GPR39: variants seen among roughly 807,000 people sequenced by gnomAD.
GPR39 encodes zinc sensing receptor.
In GPR39, 23 loss-of-function variants were observed where a neutral mutation model predicts 18.4. The observed-to-expected ratio is 1.25, with a 90% CI of 0.90 to 1.77. The LOEUF (loss-of-function observed/expected upper bound fraction) is 1.77. Among genes scored for constraint, GPR39 ranks in the 40% most tolerant of loss-of-function variants. The pLI is 0.00. For synonymous variants in GPR39, 280 were observed against 257.9 expected (o/e 1.09, Z -0.82); for missense variants, 647 against 602.4 (o/e 1.07, Z -0.78).
intron 1 of GPR39, among the ~76,000 whole-genome samples, chr2:132,493,419 C>T (rs1681556520): frequency 2.1e-5 from 3 of 145,972 alleles, no homozygotes; most frequent in Admixed American, 1.4e-4. Context: ...ACTATATATA[C>T]ACACGCCATA....
chr2:132,620,630 C>T (rs1441893975), intron 1 of GPR39, among the ~76,000 whole-genome samples: 9 of 152,208 alleles, frequency 5.9e-5, no homozygotes, highest in Non-Finnish European at 7.3e-5. Context: ...TCCCTGCCTC[C>T]CTCCCAGTGT....
At chr2:132,495,705 C>T (rs561664586) in intron 1 of GPR39, among the ~76,000 whole-genome samples, 27 of 152,232 alleles carry the variant, frequency 1.8e-4, no homozygotes, top group African/African-American at 6.0e-4. Flanking sequence ...GAGTGTTCCT[C>T]TGGAGAAGCA....
chr2:132,507,370 A>G (rs1679153737), intron 1 of GPR39, among the ~76,000 whole-genome samples: 2 of 152,214 alleles, frequency 1.3e-5, no homozygotes, highest in African/African-American at 2.4e-5. Context: ...CTGTCCTGCT[A>G]CGTGGTGGGG....
intron 1 of GPR39, among the ~76,000 whole-genome samples, chr2:132,546,077 C>G (rs1189031098): frequency 6.6e-6 from 1 of 152,166 alleles, no homozygotes; most frequent in Non-Finnish European, 1.5e-5. Flanking sequence ...ATGTATTTTT[C>G]CATCAGCATT....
intron 1 of GPR39, among the ~76,000 whole-genome samples, chr2:132,627,272 G>C (rs1185740672): frequency 6.6e-6 from 1 of 152,144 alleles, no homozygotes; most frequent in Admixed American, 6.5e-5. Flanking sequence ...AGGGACAATG[G>C]CTCCCCAGAA....
At chr2:132,482,000 A>T (rs1188235645) in intron 1 of GPR39, among the ~76,000 whole-genome samples, 4 of 152,200 alleles carry the variant, frequency 2.6e-5, no homozygotes, top group East Asian at 1.9e-4. Flanking sequence ...GGAGCTGAAC[A>T]TCTCTGTAGA....
At chr2:132,614,415 CTCTTGATCTCTTGACCTCGTGA>C (rs1367365289) in intron 1 of GPR39, among the ~76,000 whole-genome samples, 3 of 151,764 alleles carry the variant, frequency 2.0e-5, no homozygotes, top group Non-Finnish European at 4.4e-5. Context: ...CCATGTTGCT[CTCTTGATCTCTTGACCTCGTGA>C]TCTTGATCTC....
intron 1 of GPR39, among the ~76,000 whole-genome samples, chr2:132,451,912 G>A (rs764877656): frequency 2.6e-5 from 4 of 152,124 alleles, no homozygotes; most frequent in Non-Finnish European, 5.9e-5. Context: ...GGCCTTTGCT[G>A]TTGTTTTCCA....
intron 1 of GPR39, among the ~76,000 whole-genome samples, chr2:132,489,708 CT>C (rs1033897258): frequency 1.3e-5 from 2 of 151,788 alleles, no homozygotes; most frequent in African/African-American, 4.9e-5. Flanking sequence ...TATTCTAATT[CT>C]TTTTACATAT....
intron 1 of GPR39, among the ~76,000 whole-genome samples, chr2:132,466,120 G>C (rs1341199202): frequency 6.6e-6 from 1 of 152,098 alleles, no homozygotes; most frequent in African/African-American, 2.4e-5. Context: ...CTTGAGCTTG[G>C]CTGTCTCTGA....
chr2:132,581,548 G>T (rs1371279066), intron 1 of GPR39, among the ~76,000 whole-genome samples: 1 of 152,046 alleles, frequency 6.6e-6, no homozygotes, highest in Non-Finnish European at 1.5e-5. Flanking sequence ...CCATGTCAAA[G>T]ACCAAGAATC....
chr2:132,560,866 A>G (rs1680238792), intron 1 of GPR39, among the ~76,000 whole-genome samples: 1 of 150,166 alleles, frequency 6.7e-6, no homozygotes, highest in South Asian at 2.1e-4. Context: ...TATTGGTCAT[A>G]TTTATGTAGG....
intron 1 of GPR39, among the ~76,000 whole-genome samples, chr2:132,502,877 A>AT (rs1395976060): frequency 6.6e-6 from 1 of 151,998 alleles, no homozygotes; most frequent in African/African-American, 2.4e-5. Context: ...TTTCTAGTGC[A>AT]TTTTTTATTT....
At chr2:132,531,419 C>T (rs1390897573) in intron 1 of GPR39, among the ~76,000 whole-genome samples, 1 of 151,270 alleles carries the variant, frequency 6.6e-6, no homozygotes, top group African/African-American at 2.4e-5. Context: ...ACTTTAACAT[C>T]CCACTGTCAA....
chr2:132,614,381 A>AT (rs1195185583), intron 1 of GPR39, among the ~76,000 whole-genome samples: 1 of 142,078 alleles, frequency 7.0e-6, no homozygotes, highest in East Asian at 2.2e-4. Context: ...TAATTTTTGT[A>AT]TTTTTAGTAG....
At chr2:132,601,622 G>A (rs907802704) in intron 1 of GPR39, among the ~76,000 whole-genome samples, 3 of 152,002 alleles carry the variant, frequency 2.0e-5, no homozygotes, top group Non-Finnish European at 2.9e-5. Context: ...CTGAAAAAAA[G>A]GCAATCAAAT....
intron 1 of GPR39, among the ~76,000 whole-genome samples, chr2:132,489,692 A>T (rs1189655903): frequency 6.6e-6 from 1 of 151,934 alleles, no homozygotes; most frequent in Admixed American, 6.6e-5. Flanking sequence ...GGGTGGATCA[A>T]ACCTTTATTC....
At chr2:132,534,122 T>C (rs995293992) in intron 1 of GPR39, among the ~76,000 whole-genome samples, 4 of 152,060 alleles carry the variant, frequency 2.6e-5, no homozygotes, top group Admixed American at 2.0e-4. Flanking sequence ...GCAGAATCTA[T>C]AATGAACTCA....
At chr2:132,564,091 G>A (rs1318638001) in intron 1 of GPR39, among the ~76,000 whole-genome samples, 3 of 152,232 alleles carry the variant, frequency 2.0e-5, no homozygotes, top group Non-Finnish European at 4.4e-5. Flanking sequence ...AAGCAGATGA[G>A]CAACCCAACC....
Sources: allele counts gnomAD v4.1 joint callset (sites outside exome capture counted in the v4.1 genomes callset), GRCh38; gene constraint gnomAD v4.1.1; transcripts MANE v1.5; gene names NCBI Gene and HGNC (gene_info 2026-07-23, HGNC 2026-07-21).